Variants in LOC122539214 observed in about 807,000 individuals in gnomAD.
chr19:52,655,493 T>C, the LOC122539214 span: 2 of 1,356,442 alleles, frequency 1.5e-6, no homozygotes, highest in Non-Finnish European at 2.1e-6. Context: ...CAAAAGAGAA[T>C]ACAAAACCAG....
the LOC122539214 span, chr19:52,654,001 C>T: frequency 6.6e-7 from 1 of 1,515,374 alleles, no homozygotes. Context: ...TTTGAGCCTA[C>T]AAGAAATTCT....
chr19:52,658,665 G>A, the LOC122539214 span, among the ~76,000 whole-genome samples: 2 of 152,294 alleles, frequency 1.3e-5, no homozygotes, highest in South Asian at 2.1e-4. Context: ...TGTAATAATT[G>A]AACAGGCTGA....
At chr19:52,654,341 T>C in the LOC122539214 span, 5 of 1,375,788 alleles carry the variant, frequency 3.6e-6, no homozygotes, top group East Asian at 9.2e-5. Context: ...CCTGTGTGGA[T>C]CACTTCTCCT....
chr19:52,682,624 C>T, the LOC122539214 span, among the ~76,000 whole-genome samples: 4 of 151,924 alleles, frequency 2.6e-5, no homozygotes, highest in South Asian at 4.2e-4. Context: ...GCTGAGATTG[C>T]ACCACTGCTC....
chr19:52,685,126 T>G, the LOC122539214 span, among the ~76,000 whole-genome samples: 1 of 152,116 alleles, frequency 6.6e-6, no homozygotes, highest in East Asian at 1.9e-4. Flanking sequence ...AACTGGGCAC[T>G]CCCCTCTCCC....
At chr19:52,676,491 G>C in the LOC122539214 span, among the ~76,000 whole-genome samples, 1 of 151,342 alleles carries the variant, frequency 6.6e-6, no homozygotes, top group Admixed American at 6.6e-5. Flanking sequence ...CTCCCCGTCC[G>C]GGAGGGAGGT....
At chr19:52,651,698 AAAAAAG>A in the LOC122539214 span, 2 of 158,062 alleles carry the variant, frequency 1.3e-5, no homozygotes, top group African/African-American at 2.4e-5. Flanking sequence ...AAAAAAAAAA[AAAAAAG>A]AAAGAAAGAA....
the LOC122539214 span, among the ~76,000 whole-genome samples, chr19:52,676,935 C>G: frequency 7.2e-6 from 1 of 139,796 alleles, no homozygotes; most frequent in East Asian, 2.0e-4. Context: ...GCAGCATGCT[C>G]CTTAAGAGTC....
At chr19:52,677,145 A>G in the LOC122539214 span, among the ~76,000 whole-genome samples, 1 of 147,782 alleles carries the variant, frequency 6.8e-6, no homozygotes, top group East Asian at 2.0e-4. Context: ...AGAAAAAAAG[A>G]AAAAAAAATA....
At chr19:52,659,380 T>G in the LOC122539214 span, among the ~76,000 whole-genome samples, 1 of 152,082 alleles carries the variant, frequency 6.6e-6, no homozygotes. Flanking sequence ...TGAGTCAAGC[T>G]AAGGTTTCAT....
the LOC122539214 span, among the ~76,000 whole-genome samples, chr19:52,668,797 G>A: frequency 1.3e-5 from 2 of 152,170 alleles, no homozygotes; most frequent in Non-Finnish European, 2.9e-5. Flanking sequence ...CCCTTTCCAC[G>A]AGGGCTGTCC....
the LOC122539214 span, among the ~76,000 whole-genome samples, chr19:52,688,612 C>T: frequency 1.3e-5 from 2 of 151,934 alleles, no homozygotes; most frequent in African/African-American, 4.8e-5. Context: ...TGCTGTTTAT[C>T]CCCTTCTTCA....
the LOC122539214 span, among the ~76,000 whole-genome samples, chr19:52,674,634 A>T: frequency 2.6e-5 from 4 of 152,206 alleles, no homozygotes; most frequent in Admixed American, 2.6e-4. Flanking sequence ...ACAGTAAAAA[A>T]TTTTAAAAGG....
the LOC122539214 span, among the ~76,000 whole-genome samples, chr19:52,676,042 G>A: frequency 6.6e-6 from 1 of 152,018 alleles, no homozygotes. Flanking sequence ...TACAGCTCTC[G>A]CTCTCCCTCT....
the LOC122539214 span, among the ~76,000 whole-genome samples, chr19:52,676,170 A>T: frequency 1.3e-5 from 2 of 151,958 alleles, no homozygotes; most frequent in South Asian, 2.1e-4. Flanking sequence ...TTTGGTGGAG[A>T]CGGGGTTTCG....
At chr19:52,686,575 TG>T in the LOC122539214 span, among the ~76,000 whole-genome samples, 1 of 151,818 alleles carries the variant, frequency 6.6e-6, no homozygotes, top group African/African-American at 2.4e-5. Flanking sequence ...TTTTATTTTT[TG>T]TTTGTTTGTT....
chr19:52,690,429 A>G, the LOC122539214 span: 1 of 178,044 alleles, frequency 5.6e-6, no homozygotes, highest in Non-Finnish European at 1.2e-5. Context: ...TTAATACAAA[A>G]CAGCGAAACT....
At chr19:52,671,639 C>T in the LOC122539214 span, among the ~76,000 whole-genome samples, 1 of 152,174 alleles carries the variant, frequency 6.6e-6, no homozygotes, top group Admixed American at 6.5e-5. Context: ...GGGGTGGTCC[C>T]ACTATGATGC....
the LOC122539214 span, chr19:52,653,270 G>A: frequency 6.4e-5 from 95 of 1,481,230 alleles, no homozygotes; most frequent in Non-Finnish European, 8.4e-5. Flanking sequence ...TGACATGCAA[G>A]GTGTGCTTTT....
Sources: gnomAD v4.1 joint callset for allele counts (sites outside exome capture counted in the v4.1 genomes callset) on GRCh38, gnomAD v4.1.1 for gene constraint, MANE v1.5 for transcripts.